Variants in IFT122 observed in about 807,000 individuals in gnomAD.
IFT122 encodes intraflagellar transport 122.
IFT122 carries 118 observed loss-of-function variants against 161.6 expected under a neutral mutation model. That is an observed-to-expected ratio of 0.73 (90% CI 0.63 to 0.85). The LOEUF (loss-of-function observed/expected upper bound fraction) is 0.85. Ranked by LOEUF, IFT122 falls within the 40% of genes least tolerant of loss-of-function variation. The pLI is 0.00. For missense variants in IFT122, 1,381 were observed against 1,579.6 expected (o/e 0.87, Z 2.13); for synonymous variants, 550 against 602.4 (o/e 0.91, Z 1.27).
At chr3:129,488,429 G>A in intron 16 of IFT122, 32 bp downstream of exon 16, 2 of 1,613,856 alleles carry the variant, frequency 1.2e-6, no homozygotes, top group Non-Finnish European at 1.7e-6. Context: ...GCTGGAGTTT[G>A]GTCCTTGTGG....
chr3:129,464,363 A>C (rs1031107218), intron 6 of IFT122, among the ~76,000 whole-genome samples: 2 of 152,106 alleles, frequency 1.3e-5, no homozygotes, highest in African/African-American at 4.8e-5. Flanking sequence ...GGCACAAGCT[A>C]AGGGCTGTCA....
At chr3:129,490,329 G>A (rs1008153166) in intron 16 of IFT122, among the ~76,000 whole-genome samples, 1 of 152,142 alleles carries the variant, frequency 6.6e-6, no homozygotes, top group Non-Finnish European at 1.5e-5. Context: ...AGGCTCACCA[G>A]CTTGGATATA....
chr3:129,460,974 G>A, intron 4 of IFT122: 1 of 1,591,156 alleles, frequency 6.3e-7, no homozygotes, highest in Non-Finnish European at 8.6e-7. Context: ...TTGATTGCTT[G>A]AGGCCAAGCG....
rs568477663 is a variant in IFT122 at position 129,516,048 on chromosome 3, C to T, written c.3265+449C>T. The stretch of plus-strand genomic sequence containing the variant: ...ACACACACACATACAGAAACTGCCC[C>T]TGCACACACACACACAGACTGTCCC... On this transcript the variant is annotated intron_variant, in intron 26 of 29. Coordinates refer to ENST00000348417, the MANE Select transcript of IFT122 (RefSeq NM_052989.3). Among the ~76,000 whole-genome samples, 6 of 145,508 alleles carry T rather than the reference C, an allele frequency of 4.1e-5. No individual in the cohort carries two copies. The South Asian group carries it at 1.3e-3, about 32-fold the overall frequency.
intron 1 of IFT122, among the ~76,000 whole-genome samples, chr3:129,448,186 C>T (rs116079051): frequency 0.013 from 1,914 of 152,190 alleles, 16 homozygotes; most frequent in South Asian, 0.021. Flanking sequence ...GGTAAATATC[C>T]GAGATTTGTT....
At chr3:129,484,659 C>T (rs60015665) in intron 15 of IFT122, among the ~76,000 whole-genome samples, 12,025 of 152,184 alleles carry the variant, frequency 0.079, 533 homozygotes, top group South Asian at 0.1. Flanking sequence ...ACCTCACATT[C>T]GGTTATGGCA....
In IFT122 at chr3:129,464,656, C is replaced by T; in HGVS notation, c.438C>T (p.Tyr146=). 6.2e-7 allele frequency: 1 copy of T among 1,614,060 alleles called. No homozygotes were observed. Among genetic ancestry groups the T allele is most frequent in the Non-Finnish European group, 8.5e-7 (1 of 1,180,002 alleles). ...ICCSWTNDGQ[Y]LALGMFNGII... is the part of the protein sequence containing the mutation. ...ACAGCTGGACAAATGATGGTCAGTA[C>T]CTGGCGCTGGGGATGTTCAATGGGA... is the stretch of plus-strand genomic sequence containing the variant. The change falls in exon 7 of 30, where the codon TAC becomes TAT. Residue 146 remains tyrosine, a synonymous_variant. Coordinates refer to ENST00000348417, the MANE Select transcript of IFT122 (RefSeq NM_052989.3).
At chr3:129,469,548 A>C in intron 9 of IFT122, 131 bp downstream of exon 9, 1 of 748,360 alleles carries the variant, frequency 1.3e-6, no homozygotes, top group Non-Finnish European at 2.4e-6. Flanking sequence ...GGTACCAGAT[A>C]CTGTGCTCAC....
chr3:129,471,613 C>T (rs1213948013), intron 9 of IFT122, among the ~76,000 whole-genome samples: 1 of 152,194 alleles, frequency 6.6e-6, no homozygotes, highest in Non-Finnish European at 1.5e-5. Flanking sequence ...CCCCAGAGCT[C>T]ATGTTGTGGC....
chr3:129,443,791 A>G (rs2073594393), intron 1 of IFT122, among the ~76,000 whole-genome samples: 1 of 152,264 alleles, frequency 6.6e-6, no homozygotes, highest in South Asian at 2.1e-4. Context: ...AATCAGACAT[A>G]TATGATATAT....
At chr3:129,451,883 A>G in intron 2 of IFT122, 31 bp from the exon 3 acceptor site, 7 of 1,565,744 alleles carry the variant, frequency 4.5e-6, no homozygotes, top group Non-Finnish European at 6.2e-6. Context: ...TAGATATCAC[A>G]TAGATAATCT....
chr3:129,472,540 A>G (rs1343363392), intron 9 of IFT122, among the ~76,000 whole-genome samples: 1 of 152,160 alleles, frequency 6.6e-6, no homozygotes, highest in African/African-American at 2.4e-5. Flanking sequence ...GCAATATTGG[A>G]ATGCTTAAGC....
rs61744639 is a variant in IFT122 at position 129,478,141 on chromosome 3, C to T, written c.1273C>T (p.Arg425Trp). The stretch of plus-strand genomic sequence containing the variant: ...AGAGGACTTATCAGACATGCATTAC[C>T]GGGTAAAGGAGAAGATTATCAAGAA... ...YSEDLSDMHY[R>W]VKEKIIKKFE... The change falls in exon 12 of 30, where the codon CGG (arginine) becomes TGG (tryptophan). Residue 425 changes from arginine (R) to tryptophan (W), a missense_variant. Transcript: ENST00000348417. 4.7e-3 allele frequency: 7,632 copies of T among 1,614,106 alleles called. 45 individuals carry two copies. The highest frequency in any genetic ancestry group is 4.8e-3 in the Non-Finnish European group (5,685 of 1,179,986).
At chr3:129,493,642 A>T (rs1354608964) in intron 17 of IFT122, among the ~76,000 whole-genome samples, 2 of 152,148 alleles carry the variant, frequency 1.3e-5, no homozygotes, top group Admixed American at 6.5e-5. Context: ...GCGTGTTGTA[A>T]GGGGCATCTG....
chr3:129,465,132 T>A (rs1271595462), intron 7 of IFT122, among the ~76,000 whole-genome samples: 1 of 118,290 alleles, frequency 8.5e-6, no homozygotes, highest in African/African-American at 3.5e-5. Context: ...TGTGTGTGTG[T>A]GTGTGTGTGT....
At position 129,499,886 on chromosome 3, in the gene IFT122, T is replaced by G. The variant is rs370173989; in HGVS notation, c.2209-16T>G. On this transcript the variant is annotated splice_polypyrimidine_tract_variant and intron_variant, in intron 18 of 29. Coordinates refer to ENST00000348417, the MANE Select transcript of IFT122 (RefSeq NM_052989.3). ...AGTTCTGATCCAGAGTGTTTTTGTT[T>G]GTTGTGCTTCCTCAGGATTTCCTTG... is the stretch of plus-strand genomic sequence containing the variant. 1.2e-6 allele frequency: 2 copies of G among 1,613,814 alleles called. No homozygotes were observed. Among genetic ancestry groups the G allele is most frequent in the African/African-American group, 2.7e-5 (2 of 74,936 alleles).
At chr3:129,463,246 T>TCGGTGGGC in intron 5 of IFT122, 1 of 325,552 alleles carries the variant, frequency 3.1e-6, no homozygotes, top group South Asian at 2.8e-5. Flanking sequence ...ATGTGTAGAT[T>TCGGTGGGC]GCCATCAGCG....
rs1285813289 is a variant in IFT122, at chr3:129,440,289, C to G, written c.-42C>G. ...AGTGAGGCGGTTGCTGAGACAGACG[C>G]TGAGGCGGGTAGGAGGAGCCCGAGC... is the stretch of plus-strand genomic sequence containing the variant. On this transcript the variant is annotated 5_prime_UTR_variant, in exon 1 of 30. Coordinates refer to ENST00000348417, the MANE Select transcript of IFT122 (RefSeq NM_052989.3). 6.5e-7 allele frequency: 1 copy of G among 1,549,260 alleles called. No individual in the cohort carries two copies. The highest frequency in any genetic ancestry group is 1.2e-5 in the South Asian group (1 of 83,982).
intron 20 of IFT122, 71 bp from the exon 21 acceptor site, chr3:129,504,248 A>C (rs1400640830): frequency 7.9e-7 from 1 of 1,267,818 alleles, no homozygotes; most frequent in Admixed American, 1.7e-5. Context: ...TAATGGATTC[A>C]GCCAAGTACA....
Sources: gnomAD v4.1 joint callset for allele counts (sites outside exome capture counted in the v4.1 genomes callset) on GRCh38, gnomAD v4.1.1 for gene constraint, MANE v1.5 for transcripts, NCBI Gene and HGNC (gene_info 2026-07-23, HGNC 2026-07-21) for gene names.